The following KCNG3 variants were observed in gnomAD, a reference collection of about 807,000 sequenced individuals.
The protein encoded by KCNG3 is voltage-gated potassium channel regulatory subunit KCNG3.
In KCNG3, 15 loss-of-function variants were observed where a neutral mutation model predicts 29.0. That is an observed-to-expected ratio of 0.52 (90% CI 0.35 to 0.80). KCNG3 has a LOEUF of 0.80. Ranked by LOEUF, KCNG3 falls within the 30% of genes least tolerant of loss-of-function variation. The pLI is 0.01. For missense variants in KCNG3, 512 were observed against 605.7 expected (o/e 0.85, Z 1.62); for synonymous variants, 322 against 248.9 (o/e 1.29, Z -2.76).
the KCNG3 span, among the ~76,000 whole-genome samples, chr2:42,398,313 C>A: frequency 6.6e-6 from 1 of 151,766 alleles, no homozygotes; most frequent in Non-Finnish European, 1.5e-5. Flanking sequence ...GAATTGGACC[C>A]TGAGATCAGT....
intron 1 of KCNG3, among the ~76,000 whole-genome samples, chr2:42,458,222 C>G (rs552926447): frequency 3.3e-4 from 50 of 152,314 alleles, no homozygotes; most frequent in South Asian, 2.7e-3. Flanking sequence ...CCACAGAGAA[C>G]TGGGCTCCTC....
the KCNG3 span, among the ~76,000 whole-genome samples, chr2:42,413,926 C>T: frequency 5.3e-5 from 8 of 152,124 alleles, no homozygotes; most frequent in South Asian, 2.1e-4. Context: ...TGAATGTTGG[C>T]GGGGGACACA....
chr2:42,493,002 G>A lies in KCNG3; in HGVS notation c.500C>T (p.Ser167Leu). ...GCTAGCCAGGATCTGCGCGGCCAGCGACGACGTGGGCTCCTCGAAGGTCCG... is the reference window on the plus strand; with the variant it reads ...GCTAGCCAGGATCTGCGCGGCCAGCAACGACGTGGGCTCCTCGAAGGTCCG... ...MRRTFEEPTS[S>L]LAAQILASVS... is the part of the protein sequence containing the mutation. Residue 167 changes from serine to leucine, a missense_variant, in exon 1 of 2, where the codon TCG (serine) becomes TTG (leucine). Physicochemically the swap from Ser to Leu is moderately radical, Grantham distance 145. Coordinates refer to ENST00000306078, the MANE Select transcript of KCNG3 (RefSeq NM_133329.6). The A allele has an allele frequency of 6.5e-7, 1 of 1,531,956 alleles. No individual in the cohort carries two copies. The allele number at this position is 1,531,956 out of a possible 1,614,324, so 94.9% of individuals were successfully genotyped here. A position where few individuals can be genotyped will look rare whatever the true frequency, so the allele number is the denominator to read the frequency against.
the KCNG3 span, among the ~76,000 whole-genome samples, chr2:42,424,669 T>C: frequency 6.6e-6 from 1 of 152,176 alleles, no homozygotes; most frequent in African/African-American, 2.4e-5. Flanking sequence ...TTAGAAACCA[T>C]TGCTCTGATT....
At chr2:42,450,355 T>C (rs1274764998) in intron 1 of KCNG3, among the ~76,000 whole-genome samples, 1 of 152,194 alleles carries the variant, frequency 6.6e-6, no homozygotes, top group African/African-American at 2.4e-5. Context: ...CCTTCAATTA[T>C]GCCAAGGCAG....
intron 1 of KCNG3, among the ~76,000 whole-genome samples, chr2:42,453,209 C>A (rs1015861257): frequency 5.9e-5 from 9 of 152,196 alleles, no homozygotes; most frequent in African/African-American, 1.7e-4. Flanking sequence ...TGGGTATACA[C>A]CCACTCAACA....
At chr2:42,413,629 G>A in the KCNG3 span, 2 of 152,154 alleles carry the variant, frequency 1.3e-5, no homozygotes, top group African/African-American at 4.8e-5. Context: ...ACCCAAGACT[G>A]GGTGATTTAT....
intron 1 of KCNG3, among the ~76,000 whole-genome samples, chr2:42,478,513 G>C (rs1467719171): frequency 6.6e-6 from 1 of 152,006 alleles, no homozygotes; most frequent in African/African-American, 2.4e-5. Context: ...TTACAGGTCT[G>C]AGTCACCACA....
chr2:42,476,082 T>C (rs1479167915), intron 1 of KCNG3, among the ~76,000 whole-genome samples: 2 of 151,972 alleles, frequency 1.3e-5, no homozygotes, highest in African/African-American at 4.8e-5. Flanking sequence ...TAATAATAAT[T>C]AATAAAACAT....
Position 42,493,073 on chromosome 2 carries a change from G to T in KCNG3, c.429C>A (p.Gly143=), listed in dbSNP as rs1213500725. 1 of 1,545,656 alleles carries T rather than the reference G, an allele frequency of 6.5e-7. No individual in the cohort carries two copies. The highest frequency in any genetic ancestry group is 8.7e-7 in the Non-Finnish European group (1 of 1,150,160). Residue 143 remains glycine (G), a synonymous_variant, in exon 1 of 2, where the codon GGC becomes GGA. Coordinates refer to ENST00000306078, the MANE Select transcript of KCNG3 (RefSeq NM_133329.6). The part of the protein sequence containing the change: ...GVLGRDEARP[G]GAEAAPSRRW... Reference sequence around the variant, plus strand: ...GCCTGGAGGGAGCCGCCTCGGCCCCGCCGGGGCGCGCCTCGTCGCGGCCCA... The same window carrying T: ...GCCTGGAGGGAGCCGCCTCGGCCCCTCCGGGGCGCGCCTCGTCGCGGCCCA...
the KCNG3 span, among the ~76,000 whole-genome samples, chr2:42,425,866 G>A: frequency 1.3e-5 from 2 of 152,186 alleles, no homozygotes; most frequent in African/African-American, 4.8e-5. Context: ...ATTGCAAAGT[G>A]AAGTTTTGGT....
the KCNG3 span, chr2:42,425,133 G>C: frequency 1.3e-5 from 2 of 151,986 alleles, no homozygotes; most frequent in African/African-American, 4.8e-5. Flanking sequence ...AAGCACCACC[G>C]GGTCAAGGGG....
chr2:42,434,078 A>G, the KCNG3 span, among the ~76,000 whole-genome samples: 1 of 152,208 alleles, frequency 6.6e-6, no homozygotes, highest in Non-Finnish European at 1.5e-5. Context: ...ATTTATCTAC[A>G]GATTCAATGT....
chr2:42,476,612 A>C (rs1043297582), intron 1 of KCNG3, among the ~76,000 whole-genome samples: 1 of 151,750 alleles, frequency 6.6e-6, no homozygotes, highest in Non-Finnish European at 1.5e-5. Flanking sequence ...TAAGCCTCCC[A>C]AGTAGCTGGG....
intron 1 of KCNG3, among the ~76,000 whole-genome samples, chr2:42,470,915 T>A (rs1673269111): frequency 6.6e-6 from 1 of 151,378 alleles, no homozygotes; most frequent in South Asian, 2.1e-4. Context: ...TCCCAGCACT[T>A]TGGGAGGCAA....
At chr2:42,401,818 A>G in the KCNG3 span, among the ~76,000 whole-genome samples, 1 of 152,124 alleles carries the variant, frequency 6.6e-6, no homozygotes, top group Non-Finnish European at 1.5e-5. Flanking sequence ...CAGAAGGTGG[A>G]GGTTTCAGTG....
chr2:42,482,226 G>C (rs1280673137), intron 1 of KCNG3, among the ~76,000 whole-genome samples: 4 of 152,200 alleles, frequency 2.6e-5, no homozygotes, highest in Admixed American at 2.6e-4. Context: ...AATGTTTGTT[G>C]AATTTAACGA....
chr2:42,429,608 G>A, the KCNG3 span, among the ~76,000 whole-genome samples: 4 of 152,130 alleles, frequency 2.6e-5, no homozygotes, highest in Non-Finnish European at 5.9e-5. Flanking sequence ...AAGTCTCTGT[G>A]GACCATAGGA....
In KCNG3 at chr2:42,493,823, C is replaced by G. The variant is rs902849261; in HGVS notation, c.-322G>C. The stretch of plus-strand genomic sequence containing the variant: ...CCTCGCGCCCGAGGGCTGCGCACAC[C>G]GAGGCCGCGGTGCCCTCTCCCAAGC... On this transcript the variant is annotated 5_prime_UTR_variant, in exon 1 of 2. Coordinates refer to ENST00000306078, the MANE Select transcript of KCNG3 (RefSeq NM_133329.6). 1 of 231,016 alleles carries G rather than the reference C, an allele frequency of 4.3e-6. No individual in the cohort carries two copies. The allele number at this position is 231,016 out of a possible 1,614,324, so 14.3% of individuals were successfully genotyped here. A position where few individuals can be genotyped will look rare whatever the true frequency, so the allele number is the denominator to read the frequency against.
Sources: gnomAD v4.1 joint callset for allele counts (sites outside exome capture counted in the v4.1 genomes callset) on GRCh38, gnomAD v4.1.1 for gene constraint, MANE v1.5 for transcripts, NCBI Gene and HGNC (gene_info 2026-07-23, HGNC 2026-07-21) for gene names.